BIN1: variants seen among roughly 807,000 people sequenced by gnomAD.
BIN1 encodes bridging integrator 1.
In BIN1, 53 loss-of-function variants were observed where a neutral mutation model predicts 82.0. The observed-to-expected ratio is 0.65, with a 90% CI of 0.52 to 0.81. The LOEUF (loss-of-function observed/expected upper bound fraction) is 0.81, where lower values mean the gene tolerates loss of function less well. BIN1 is among the 40% of genes least tolerant of loss of function. The probability of loss-of-function intolerance (pLI) is 0.00; values close to 1 mark genes in which losing one functional copy is unlikely to be tolerated. For synonymous variants in BIN1, 302 were observed against 328.0 expected, an observed-to-expected ratio of 0.92 and a Z score of 0.86; for missense variants, 642 against 784.4, an observed-to-expected ratio of 0.82 and a Z score of 2.17.
At chr2:127,076,592 AAACTCCCTAAGG>A in intron 2 of BIN1, 22 bp downstream of exon 2, 1 of 1,613,640 alleles carries the variant, frequency 6.2e-7, no homozygotes, top group Non-Finnish European at 8.5e-7. Context: ...GAATTTTCAC[AAACTCCCTAAGG>A]CCAAGGGCCA....
At chr2:127,064,464 C>G (rs552599382) in intron 7 of BIN1, among the ~76,000 whole-genome samples, 1 of 152,292 alleles carries the variant, frequency 6.6e-6, no homozygotes, top group African/African-American at 2.4e-5. Flanking sequence ...TCTGTCGCTG[C>G]CCCCAATTGC....
intron 1 of BIN1, among the ~76,000 whole-genome samples, chr2:127,104,445 G>A (rs960830839): frequency 1.1e-4 from 17 of 152,286 alleles, no homozygotes; most frequent in African/African-American, 4.1e-4. Context: ...GTGGATGTGG[G>A]AAGGCCGGGG....
chr2:127,087,531 A>G (rs1678337865), intron 1 of BIN1, among the ~76,000 whole-genome samples: 1 of 152,212 alleles, frequency 6.6e-6, no homozygotes, highest in African/African-American at 2.4e-5. Flanking sequence ...CAGAGCACAC[A>G]GCGTGAGTGG....
rs1363895252 is a variant in BIN1 at position 127,090,472 on chromosome 2, C to G, written c.85-13766G>C. On this transcript the variant is annotated intron_variant, in intron 1 of 18. Coordinates refer to ENST00000316724, the MANE Select transcript of BIN1 (RefSeq NM_139343.3). This position sits in a 1 kb window ranked among gnomAD's most constrained non-coding sequence, Gnocchi z 6.4. ...AGCCTGTCTCCACAGGCACGCACCC[C>G]ACCCTTGGCCCCAGCCCTCCGCCCA... 6.6e-6 allele frequency among the ~76,000 whole-genome samples: 1 copy of G among 152,246 alleles called. No individual in the cohort carries two copies. The highest frequency in any genetic ancestry group is 3.2e-3 in the Middle Eastern group (1 of 316).
intron 1 of BIN1, among the ~76,000 whole-genome samples, chr2:127,077,421 CGATGAGTGGCAGGGGGA>C (rs562470024): frequency 7.2e-5 from 11 of 152,276 alleles, no homozygotes; most frequent in African/African-American, 2.4e-4. Context: ...CAACCCCCCA[CGATGAGTGGCAGGGGGA>C]GATGAAGGAT....
At chr2:127,050,973 C>T in intron 16 of BIN1, 61 bp from the exon 17 acceptor site, 3 of 1,564,848 alleles carry the variant, frequency 1.9e-6, no homozygotes, top group South Asian at 1.1e-5. Context: ...CCAGGGCCAC[C>T]GAGGAGAAGA....
intron 11 of BIN1, 48 bp downstream of exon 11, chr2:127,058,963 G>A (rs1352383857): frequency 5.2e-6 from 8 of 1,549,898 alleles, no homozygotes; most frequent in Admixed American, 3.9e-5. Context: ...CAAAGCCGGA[G>A]GAGAAGGAGG....
At chr2:127,085,861 G>C (rs1405748910) in intron 1 of BIN1, among the ~76,000 whole-genome samples, 1 of 152,198 alleles carries the variant, frequency 6.6e-6, no homozygotes, top group Non-Finnish European at 1.5e-5. Context: ...GGAGGGGCTG[G>C]CTCTAGGGAC....
intron 1 of BIN1, among the ~76,000 whole-genome samples, chr2:127,094,948 T>C (rs1679403081): frequency 6.6e-6 from 1 of 152,142 alleles, no homozygotes; most frequent in Non-Finnish European, 1.5e-5. Flanking sequence ...TCCAGGCCCA[T>C]GGTTCACCAG....
intron 10 of BIN1, among the ~76,000 whole-genome samples, chr2:127,060,965 G>A (rs559063101): frequency 6.6e-6 from 1 of 152,302 alleles, no homozygotes; most frequent in African/African-American, 2.4e-5. Context: ...AAGGCCCCCA[G>A]GCGAGCACAG....
At chr2:127,078,193 A>G (rs56173738) in intron 1 of BIN1, among the ~76,000 whole-genome samples, 1 of 146,690 alleles carries the variant, frequency 6.8e-6, no homozygotes, top group East Asian at 1.9e-4. Context: ...TTCCCCCCCC[A>G]GCCAGGCCCA....
intron 11 of BIN1, among the ~76,000 whole-genome samples, chr2:127,058,149 G>C (rs1683953185): frequency 6.6e-6 from 1 of 152,186 alleles, no homozygotes; most frequent in Admixed American, 6.5e-5. Flanking sequence ...CCACACCCCT[G>C]CCCACCAGGT....
At chr2:127,054,641 A>C (rs915933615) in intron 12 of BIN1, 3 of 154,744 alleles carry the variant, frequency 1.9e-5, no homozygotes, top group African/African-American at 7.2e-5. Context: ...CCAAGCTTCA[A>C]AGTGGGGTCT....
intron 14 of BIN1, chr2:127,052,720 G>C (rs182928310): frequency 1.1e-4 from 36 of 339,660 alleles, no homozygotes; most frequent in Non-Finnish European, 1.9e-4. Flanking sequence ...CATGCCCCAA[G>C]GGCGCCTGCA....
intron 1 of BIN1, among the ~76,000 whole-genome samples, chr2:127,106,080 C>T (rs1331954162): frequency 6.6e-6 from 1 of 152,220 alleles, no homozygotes; most frequent in Non-Finnish European, 1.5e-5. Context: ...GAGGAGGGGT[C>T]GGGTTTCCTG....
chr2:127,081,133 C>T (rs971890105), intron 1 of BIN1, among the ~76,000 whole-genome samples: 2 of 152,214 alleles, frequency 1.3e-5, no homozygotes, highest in African/African-American at 2.4e-5. Context: ...CCCTGACCCA[C>T]AGCGTGAGTC....
chr2:127,059,140 T>C lies in BIN1; in HGVS notation c.873A>G (p.Ala291=), dbSNP rs1438387266. The change falls in exon 11 of 19, where the codon GCA becomes GCG. Residue 291 remains alanine, a synonymous_variant. Coordinates refer to ENST00000316724, the MANE Select transcript of BIN1 (RefSeq NM_139343.3). The surrounding 1 kb of genome is among the most constrained non-coding windows in gnomAD (Gnocchi z 6.7). ...VKAQPSDNAP[A]KGNKSPSPPD... Reference sequence around the variant, plus strand: ...GAGGCGAAGGGCTCTTGTTCCCTTTTGCAGGCGCGTTGTCACTGTGGGGGA... The same window carrying C: ...GAGGCGAAGGGCTCTTGTTCCCTTTCGCAGGCGCGTTGTCACTGTGGGGGA... The C allele has an allele frequency of 1.3e-6, 2 of 1,581,234 alleles. No individual in the cohort carries two copies. The highest frequency in any genetic ancestry group is 1.3e-5 in the African/African-American group (1 of 74,316).
At chr2:127,053,391 G>A (rs376482460) in intron 14 of BIN1, 31 bp downstream of exon 14, 115 of 1,613,592 alleles carry the variant, frequency 7.1e-5, no homozygotes, top group Non-Finnish European at 9.4e-5. Context: ...GCTCCCCCAG[G>A]GGCTGGACAA....
chr2:127,088,254 C>A (rs947504499), intron 1 of BIN1, among the ~76,000 whole-genome samples: 5 of 152,208 alleles, frequency 3.3e-5, no homozygotes, highest in Non-Finnish European at 7.3e-5. Context: ...AACGCCCACC[C>A]AAAAACGAAG....
Sources: allele counts gnomAD v4.1 joint callset (sites outside exome capture counted in the v4.1 genomes callset), GRCh38; gene constraint gnomAD v4.1.1; non-coding constraint Gnocchi (gnomAD v3.1); transcripts MANE v1.5; gene names NCBI Gene and HGNC (gene_info 2026-07-23, HGNC 2026-07-21).